Variants in MCF2L observed in about 807,000 individuals in gnomAD.
MCF2L encodes MCF.2 cell line derived transforming sequence like.
A neutral mutation model predicts 153.4 loss-of-function variants in MCF2L; 97 were observed. The ratio of observed to expected loss-of-function variants is 0.63; its 90% CI spans 0.54 to 0.75. MCF2L has a LOEUF of 0.75. Among genes scored for constraint, MCF2L ranks in the 30% least tolerant of loss-of-function variants. The pLI is 0.00. For missense variants in MCF2L, 1,347 were observed against 1,495.2 expected (o/e 0.90, Z 1.64); for synonymous variants, 659 against 632.2 (o/e 1.04, Z -0.64).
intron 1 of MCF2L, among the ~76,000 whole-genome samples, chr13:112,984,893 T>G (rs1574512): frequency 0.48 from 73,159 of 151,974 alleles, 19,737 homozygotes; most frequent in Non-Finnish European, 0.61. Flanking sequence ...CAATTGCCAG[T>G]GGTGTCAGCA....
intron 2 of MCF2L, among the ~76,000 whole-genome samples, chr13:113,017,838 TC>T (rs1189100293): frequency 5.9e-5 from 9 of 152,212 alleles, no homozygotes; most frequent in Admixed American, 2.0e-4. Flanking sequence ...TTTGCTTAAT[TC>T]CCTGGTCTTT....
At chr13:113,019,830 T>A (rs1422008968) in intron 2 of MCF2L, among the ~76,000 whole-genome samples, 1 of 152,172 alleles carries the variant, frequency 6.6e-6, no homozygotes, top group African/African-American at 2.4e-5. Context: ...AGCATGGCCA[T>A]GCCTCAAGGA....
At chr13:112,913,736 G>A (rs2081260195) in intron 2 of MCF2L, among the ~76,000 whole-genome samples, 1 of 152,154 alleles carries the variant, frequency 6.6e-6, no homozygotes. Context: ...TGCTGGGGAA[G>A]GATTCAGCCC....
Position 113,024,776 on chromosome 13 carries a change from C to G in MCF2L, c.278+18C>G, listed in dbSNP as rs1360100864. The G allele has an allele frequency of 1.3e-6, 2 of 1,589,400 alleles. No individual in the cohort carries two copies. The highest frequency in any genetic ancestry group is 4.5e-5 in the East Asian group (2 of 44,758). ...ATCCCCAGGTACGTGCACCCAGAGC[C>G]CGGCAGACATTGTGGTTTGGGGCAG... is the stretch of plus-strand genomic sequence containing the variant. On this transcript the variant is annotated intron_variant, in intron 3 of 29. Coordinates refer to ENST00000535094, the MANE Select transcript of MCF2L (RefSeq NM_001112732.3).
chr13:112,981,621 T>C (rs572446348), intron 1 of MCF2L, among the ~76,000 whole-genome samples: 1 of 152,334 alleles, frequency 6.6e-6, no homozygotes, highest in African/African-American at 2.4e-5. Context: ...AGGCAGACTC[T>C]GGGTCCCTGG....
intron 21 of MCF2L, among the ~76,000 whole-genome samples, chr13:113,086,579 G>C (rs1032854716): frequency 6.6e-6 from 1 of 152,180 alleles, no homozygotes; most frequent in Non-Finnish European, 1.5e-5. Context: ...GCGTGGCTCG[G>C]AGCAGACGTG....
At chr13:112,968,703 G>GGGCGGCCGGAGGTAAAGGGAGGC (rs2081941937), upstream of MCF2L, 1 of 1,414,444 alleles carries the variant, frequency 7.1e-7, no homozygotes, top group South Asian at 1.5e-5. Context: ...ACCTGCCACG[G>GGGCGGCCGGAGGTAAAGGGAGGC]GGCGGCCGGA....
At chr13:113,034,318 G>A (rs768632803) in intron 3 of MCF2L, among the ~76,000 whole-genome samples, 76 of 152,048 alleles carry the variant, frequency 5.0e-4, no homozygotes, top group Non-Finnish European at 9.4e-4. Flanking sequence ...TGTATTTTTT[G>A]TAGAGATGGG....
intron 4 of MCF2L, among the ~76,000 whole-genome samples, chr13:113,059,165 T>C (rs1295644365): frequency 6.6e-6 from 1 of 152,202 alleles, no homozygotes; most frequent in Admixed American, 6.5e-5. Flanking sequence ...GTGCGCGATC[T>C]AGAATTCCCG....
intron 26 of MCF2L, among the ~76,000 whole-genome samples, chr13:113,092,606 G>A (rs1456276169): frequency 1.3e-5 from 2 of 152,246 alleles, no homozygotes; most frequent in African/African-American, 4.8e-5. Flanking sequence ...ACTCCAATGA[G>A]CAAAGGCCAA....
chr13:113,021,533 T>G (rs1484604361), intron 2 of MCF2L, among the ~76,000 whole-genome samples: 1 of 152,110 alleles, frequency 6.6e-6, no homozygotes, highest in Non-Finnish European at 1.5e-5. Context: ...GTGGACAGGG[T>G]GCTGTTCTGA....
intron 2 of MCF2L, among the ~76,000 whole-genome samples, chr13:112,959,870 C>T (rs979422344): frequency 1.3e-5 from 2 of 152,328 alleles, no homozygotes; most frequent in East Asian, 3.9e-4. Context: ...CACAGGCTCA[C>T]GAGGCTTTCT....
At position 113,073,280 on chromosome 13, in the gene MCF2L, T is replaced by A. The variant is rs191447069; in HGVS notation, c.997-1164T>A. Among the ~76,000 whole-genome samples, 120 of 152,332 alleles carry A rather than the reference T, an allele frequency of 7.9e-4. 1 individual carries two copies. Among genetic ancestry groups the A allele is most frequent in the African/African-American group, 2.9e-3 (120 of 41,566 alleles). On this transcript the variant is annotated intron_variant, in intron 9 of 29. Transcript: ENST00000535094. Reference sequence around the variant, plus strand: ...ATATGTTCCTCACTTGAAAAGAATGTGTATTCTGCTATTGTTAGGTGAAGT... The same window carrying A: ...ATATGTTCCTCACTTGAAAAGAATGAGTATTCTGCTATTGTTAGGTGAAGT...
At chr13:112,950,876 A>G (rs182591606) in intron 2 of MCF2L, among the ~76,000 whole-genome samples, 1 of 152,356 alleles carries the variant, frequency 6.6e-6, no homozygotes, top group Admixed American at 6.5e-5. Context: ...GGAAAAAATG[A>G]TAGATTCGAC....
chr13:113,014,922 C>A, intron 2 of MCF2L, 76 bp downstream of exon 2: 1 of 1,326,326 alleles, frequency 7.5e-7, no homozygotes, highest in Admixed American at 1.7e-5. Flanking sequence ...CCCCCGTGGC[C>A]TGGCCCAGGC....
At chr13:112,987,465 C>A (rs2140948442) in intron 1 of MCF2L, among the ~76,000 whole-genome samples, 1 of 152,346 alleles carries the variant, frequency 6.6e-6, no homozygotes, top group South Asian at 2.1e-4. Context: ...CGGAGAGGCC[C>A]AGCAGGGGAA....
At chr13:112,917,182 A>G (rs554221524) in intron 2 of MCF2L, 19 of 471,228 alleles carry the variant, frequency 4.0e-5, no homozygotes, top group Middle Eastern at 3.3e-4. Flanking sequence ...CCACAGCTCC[A>G]GTCCGGACCC....
chr13:113,012,029 A>G (rs1324744397), intron 1 of MCF2L, among the ~76,000 whole-genome samples: 1 of 113,966 alleles, frequency 8.8e-6, no homozygotes, highest in African/African-American at 3.1e-5. Context: ...AGGACAGTGG[A>G]CAGGTGGTGT....
chr13:113,056,035 C>T (rs1001916026), intron 4 of MCF2L, among the ~76,000 whole-genome samples: 4 of 152,220 alleles, frequency 2.6e-5, no homozygotes, highest in African/African-American at 7.2e-5. Flanking sequence ...CACTGAGGGC[C>T]GTGGTCCCTG....
Sources: gnomAD v4.1 joint callset for allele counts (sites outside exome capture counted in the v4.1 genomes callset) on GRCh38, gnomAD v4.1.1 for gene constraint, MANE v1.5 for transcripts, NCBI Gene and HGNC (gene_info 2026-07-23, HGNC 2026-07-21) for gene names.